SNTG1: variants seen among roughly 807,000 people sequenced by gnomAD.
SNTG1 encodes gamma-1-syntrophin.
In SNTG1, 39 loss-of-function variants were observed where a neutral mutation model predicts 74.7. The observed-to-expected ratio is 0.52, with a 90% CI of 0.40 to 0.68. The LOEUF (loss-of-function observed/expected upper bound fraction) is 0.68, where lower values mean the gene tolerates loss of function less well. Among genes scored for constraint, SNTG1 ranks in the 30% least tolerant of loss-of-function variants. The pLI is 0.00. For missense variants in SNTG1, 685 were observed against 609.5 expected (o/e 1.12, Z -1.30); for synonymous variants, 254 against 217.1 (o/e 1.17, Z -1.49).
chr8:50,719,144 T>C (rs938412782), intron 17 of SNTG1, among the ~76,000 whole-genome samples: 3 of 152,154 alleles, frequency 2.0e-5, no homozygotes, highest in Non-Finnish European at 4.4e-5. Context: ...CAATAACAAG[T>C]TAAACAAAAA....
chr8:49,915,116 C>T (rs914132674), intron 1 of SNTG1: 27 of 152,162 alleles, frequency 1.8e-4, no homozygotes, highest in African/African-American at 6.5e-4. Flanking sequence ...ATAAGATCTT[C>T]TACAAGTCAC....
chr8:50,391,385 G>T (rs1167066922), intron 2 of SNTG1, among the ~76,000 whole-genome samples: 1 of 152,112 alleles, frequency 6.6e-6, no homozygotes, highest in African/African-American at 2.4e-5. Context: ...ATTGATTTGT[G>T]TATGTTGAAC....
chr8:50,730,703 A>G (rs2095510897), intron 17 of SNTG1, among the ~76,000 whole-genome samples: 2 of 152,212 alleles, frequency 1.3e-5, no homozygotes, highest in African/African-American at 4.8e-5. Flanking sequence ...AGAATTTTTA[A>G]TGAATACAGA....
At chr8:50,286,579 A>G (rs2088798614) in intron 2 of SNTG1, 1 of 152,138 alleles carries the variant, frequency 6.6e-6, no homozygotes, top group South Asian at 2.1e-4. Flanking sequence ...GTGTGGCTTC[A>G]CCATTGTGAA....
chr8:50,383,623 C>A (rs545179550), intron 2 of SNTG1, among the ~76,000 whole-genome samples: 87 of 152,258 alleles, frequency 5.7e-4, no homozygotes, highest in African/African-American at 2.1e-3. Context: ...TCAGCAAACA[C>A]CTCAGCTGGT....
At chr8:50,467,143 A>G (rs2093614919) in intron 8 of SNTG1, among the ~76,000 whole-genome samples, 1 of 151,918 alleles carries the variant, frequency 6.6e-6, no homozygotes, top group Non-Finnish European at 1.5e-5. Flanking sequence ...TAACGCTTTT[A>G]AAAACTTTTG....
intron 1 of SNTG1, among the ~76,000 whole-genome samples, chr8:50,149,077 T>C (rs928801782): frequency 2.0e-5 from 3 of 152,192 alleles, no homozygotes; most frequent in Non-Finnish European, 4.4e-5. Context: ...CCTGACTCTT[T>C]ATGATCACCA....
At chr8:50,073,941 A>G (rs959200295) in intron 1 of SNTG1, among the ~76,000 whole-genome samples, 9 of 149,922 alleles carry the variant, frequency 6.0e-5, no homozygotes, top group African/African-American at 9.9e-5. Context: ...GAGCACAAGC[A>G]TACTAGATTT....
intron 11 of SNTG1, among the ~76,000 whole-genome samples, chr8:50,542,935 A>AT (rs1411218521): frequency 6.6e-6 from 1 of 151,942 alleles, no homozygotes; most frequent in African/African-American, 2.4e-5. Flanking sequence ...TTTAAGTCAG[A>AT]TTTTTTATTG....
intron 1 of SNTG1, among the ~76,000 whole-genome samples, chr8:50,067,865 C>T (rs868287513): frequency 5.3e-5 from 8 of 152,130 alleles, no homozygotes; most frequent in Non-Finnish European, 1.0e-4. Context: ...CCTGCTGGGG[C>T]CTGTTGCAGG....
chr8:50,477,070 A>T (rs1159461614), intron 8 of SNTG1, among the ~76,000 whole-genome samples: 3 of 152,176 alleles, frequency 2.0e-5, no homozygotes, highest in Non-Finnish European at 2.9e-5. Flanking sequence ...AGATGATTGA[A>T]TCATTAAACT....
chr8:50,046,972 A>G (rs1175115648), intron 1 of SNTG1, among the ~76,000 whole-genome samples: 1 of 152,162 alleles, frequency 6.6e-6, no homozygotes, highest in Non-Finnish European at 1.5e-5. Flanking sequence ...CATTTATGTT[A>G]TTAAGTTAGT....
chr8:50,270,268 T>C (rs1373530764), intron 2 of SNTG1, among the ~76,000 whole-genome samples: 1 of 152,104 alleles, frequency 6.6e-6, no homozygotes, highest in Admixed American at 6.6e-5. Flanking sequence ...ATTAAAAGTG[T>C]TTCAGTGGGG....
intron 1 of SNTG1, among the ~76,000 whole-genome samples, chr8:50,101,748 C>T (rs1330470244): frequency 6.6e-6 from 1 of 151,880 alleles, no homozygotes; most frequent in Non-Finnish European, 1.5e-5. Flanking sequence ...GTAATGTTCC[C>T]CTTCCTGTGT....
intron 1 of SNTG1, among the ~76,000 whole-genome samples, chr8:50,061,677 AT>A (rs1586101662): frequency 6.6e-6 from 1 of 152,004 alleles, no homozygotes; most frequent in East Asian, 1.9e-4. Context: ...CATGTTTAAT[AT>A]TCTATATCTT....
At chr8:50,458,231 A>G (rs1370532670) in intron 8 of SNTG1, 3 of 151,888 alleles carry the variant, frequency 2.0e-5, no homozygotes, top group African/African-American at 7.2e-5. Flanking sequence ...AGACAAAGCA[A>G]GGTTTATTGA....
intron 11 of SNTG1, among the ~76,000 whole-genome samples, chr8:50,545,901 G>T (rs909944339): frequency 1.3e-5 from 2 of 152,036 alleles, no homozygotes; most frequent in African/African-American, 4.8e-5. Context: ...TAGCAAATGG[G>T]TCTCTAACAA....
chr8:50,638,043 T>C (rs565049763), intron 13 of SNTG1, among the ~76,000 whole-genome samples: 1 of 152,272 alleles, frequency 6.6e-6, no homozygotes, highest in South Asian at 2.1e-4. Context: ...ATACCCCAGG[T>C]ACTTCTGAAT....
intron 2 of SNTG1, chr8:50,286,666 C>T (rs1452373710): frequency 1.3e-5 from 2 of 152,144 alleles, no homozygotes; most frequent in Admixed American, 1.3e-4. Context: ...GTTTCCTCTT[C>T]CTTAATAGTT....
Sources: gnomAD v4.1 joint callset for allele counts (sites outside exome capture counted in the v4.1 genomes callset) on GRCh38, gnomAD v4.1.1 for gene constraint, MANE v1.5 for transcripts, NCBI Gene and HGNC (gene_info 2026-07-23, HGNC 2026-07-21) for gene names.